Variants in PPFIA1 observed in about 807,000 individuals in gnomAD.
PPFIA1 encodes the protein liprin-alpha-1.
Under a neutral mutation model 149.9 loss-of-function variants are expected in PPFIA1, and 25 were observed. The observed-to-expected ratio is 0.17, with a 90% CI of 0.12 to 0.23. The LOEUF is 0.23. Ranked by LOEUF, PPFIA1 falls within the 10% of genes least tolerant of loss-of-function variation. The pLI is 1.00. For missense variants in PPFIA1, 1,362 were observed against 1,506.5 expected (o/e 0.90, Z 1.59); for synonymous variants, 549 against 552.8 (o/e 0.99, Z 0.10).
intron 21 of PPFIA1, chr11:70,365,764 C>T (rs1394576504): frequency 2.7e-6 from 1 of 369,200 alleles, no homozygotes; most frequent in South Asian, 2.1e-5. Context: ...AGAGTCTGCT[C>T]CTTGCATGAG....
At chr11:70,327,947 C>T (rs2054420870) in intron 7 of PPFIA1, among the ~76,000 whole-genome samples, 1 of 152,192 alleles carries the variant, frequency 6.6e-6, no homozygotes, top group African/African-American at 2.4e-5. Flanking sequence ...TGTAGGAATT[C>T]ACCACAGGAA....
chr11:70,380,709 T>A (rs2057678621), intron 26 of PPFIA1, among the ~76,000 whole-genome samples: 1 of 147,830 alleles, frequency 6.8e-6, no homozygotes, highest in Admixed American at 6.8e-5. Context: ...TACTCCAGCC[T>A]GGGCGACAAG....
At chr11:70,278,855 A>G (rs2050571667) in intron 2 of PPFIA1, 2 of 443,044 alleles carry the variant, frequency 4.5e-6, no homozygotes, top group Non-Finnish European at 8.8e-6. Flanking sequence ...AATCAGCCAC[A>G]CTGGACAGCT....
intron 7 of PPFIA1, 27 bp downstream of exon 7, chr11:70,326,845 T>A (rs1342565695): frequency 6.4e-7 from 1 of 1,572,872 alleles, no homozygotes; most frequent in Non-Finnish European, 8.7e-7. Context: ...ACTACAGTCT[T>A]GTCATGAAGT....
At chr11:70,314,837 T>C (rs2053500580) in intron 2 of PPFIA1, among the ~76,000 whole-genome samples, 1 of 152,176 alleles carries the variant, frequency 6.6e-6, no homozygotes, top group African/African-American at 2.4e-5. Flanking sequence ...ATACCAAGAC[T>C]GGGTAATTCA....
At chr11:70,293,048 T>C (rs1011689521) in intron 2 of PPFIA1, among the ~76,000 whole-genome samples, 7 of 152,236 alleles carry the variant, frequency 4.6e-5, no homozygotes, top group African/African-American at 1.4e-4. Flanking sequence ...TGCCTGCCCA[T>C]GTGGCCTGCT....
intron 16 of PPFIA1, chr11:70,351,093 C>A: frequency 1.2e-6 from 1 of 867,532 alleles, no homozygotes; most frequent in Non-Finnish European, 1.5e-6. Context: ...ATCATATTTT[C>A]CATAAATGTA....
At chr11:70,291,837 A>ATTT (rs398016576) in intron 2 of PPFIA1, among the ~76,000 whole-genome samples, 29 of 119,598 alleles carry the variant, frequency 2.4e-4, no homozygotes, top group African/African-American at 5.5e-4. Context: ...CGCCTGGCTA[A>ATTT]TTTTTTTTTT....
intron 2 of PPFIA1, among the ~76,000 whole-genome samples, chr11:70,293,648 T>G (rs2051691806): frequency 1.3e-5 from 2 of 152,202 alleles, no homozygotes; most frequent in South Asian, 4.1e-4. Context: ...TGGAGCCTTG[T>G]GTTACTTCTC....
intron 2 of PPFIA1, among the ~76,000 whole-genome samples, chr11:70,274,593 GCT>G (rs1388667041): frequency 6.6e-6 from 1 of 152,188 alleles, no homozygotes; most frequent in Non-Finnish European, 1.5e-5. Flanking sequence ...ATTCTCACCT[GCT>G]CTCTGGTCAT....
At position 70,375,001 on chromosome 11, in the gene PPFIA1, A is replaced by G. The variant is rs2057424004; in HGVS notation, c.3223A>G (p.Ser1075Gly). 1 of 1,613,832 alleles carries G rather than the reference A, an allele frequency of 6.2e-7. No homozygotes were observed. Among genetic ancestry groups the G allele is most frequent in the Non-Finnish European group, 8.5e-7 (1 of 1,179,922 alleles). ...AGAATATGCAAACAATCTTATAGAG[A>G]GTGGTGTTCACGGAGCACTTCTGGC... ...LKEYANNLIESGVHGALLALD... is the reference protein window; with the variant it reads ...LKEYANNLIEGGVHGALLALD... Residue 1075 changes from serine to glycine, a missense_variant, in exon 24 of 28, where the codon AGT (serine) becomes GGT (glycine). Ser to Gly is a moderately conservative substitution (Grantham distance 56). This residue lies in a region of PPFIA1 where 349 missense variants were observed against 373.3 expected (regional missense o/e 0.93). Coordinates refer to ENST00000253925, the MANE Select transcript of PPFIA1 (RefSeq NM_003626.5).
At chr11:70,296,011 G>C (rs1252043005) in intron 2 of PPFIA1, among the ~76,000 whole-genome samples, 1 of 151,146 alleles carries the variant, frequency 6.6e-6, no homozygotes, top group African/African-American at 2.4e-5. Flanking sequence ...ACGGGGTCGC[G>C]ACCGGGCAGA....
chr11:70,356,193 G>A lies in PPFIA1; in HGVS notation c.2521G>A (p.Asp841Asn). The A allele has an allele frequency of 1.2e-6, 2 of 1,614,004 alleles. No individual in the cohort carries two copies. Among genetic ancestry groups the A allele is most frequent in the Non-Finnish European group, 1.7e-6 (2 of 1,180,008 alleles). Residue 841 changes from aspartate to asparagine, a missense_variant, in exon 19 of 28, where the codon GAT (aspartate) becomes AAT (asparagine). Transcript: ENST00000253925. ...TTCCGAGACGGATAACTCATCTCAGGATGCCTTGGGACTTAGCAAATTGGG... is the reference window on the plus strand; with the variant it reads ...TTCCGAGACGGATAACTCATCTCAGAATGCCTTGGGACTTAGCAAATTGGG... ...GVSETDNSSQ[D>N]ALGLSKLGGQ...
At chr11:70,341,348 T>C (rs2055317717) in intron 14 of PPFIA1, among the ~76,000 whole-genome samples, 1 of 151,864 alleles carries the variant, frequency 6.6e-6, no homozygotes, top group Admixed American at 6.6e-5. Context: ...TTCAGTGTAT[T>C]GTTATGGAGT....
At chr11:70,373,226 TATTTA>T (rs1171312969) in intron 23 of PPFIA1, among the ~76,000 whole-genome samples, 6 of 152,172 alleles carry the variant, frequency 3.9e-5, no homozygotes, top group Non-Finnish European at 7.3e-5. Context: ...TTTATTTATT[TATTTA>T]ATTTATTTTG....
intron 10 of PPFIA1, 35 bp from the exon 11 acceptor site, chr11:70,335,528 G>C (rs779265969): frequency 1.2e-6 from 2 of 1,606,962 alleles, no homozygotes; most frequent in African/African-American, 1.3e-5. Flanking sequence ...GAGGATTTAC[G>C]TGAGGTTTAT....
chr11:70,335,477 G>C, intron 10 of PPFIA1, 86 bp from the exon 11 acceptor site: 1 of 1,508,370 alleles, frequency 6.6e-7, no homozygotes. Context: ...GGCACACATG[G>C]GGCTCACCCT....
chr11:70,277,060 A>ATATATTT, intron 2 of PPFIA1, among the ~76,000 whole-genome samples: 19 of 66,312 alleles, frequency 2.9e-4, no homozygotes, highest in African/African-American at 1.2e-3. Flanking sequence ...ATATATATAT[A>ATATATTT]TTTTTTTTTT....
At chr11:70,343,639 T>C (rs765213422) in intron 14 of PPFIA1, 30 bp from the exon 15 acceptor site, 8 of 1,571,676 alleles carry the variant, frequency 5.1e-6, no homozygotes, top group Non-Finnish European at 7.0e-6. Context: ...TGTTACTTTA[T>C]CTACTGAGAT....
Sources: allele counts gnomAD v4.1 joint callset (sites outside exome capture counted in the v4.1 genomes callset), GRCh38; gene constraint gnomAD v4.1.1; regional missense constraint gnomAD v4.1.1; transcripts MANE v1.5; gene names NCBI Gene and HGNC (gene_info 2026-07-23, HGNC 2026-07-21).